Variants in GAP43 observed in about 807,000 individuals in gnomAD.
GAP43 encodes the protein growth associated protein 43, also known as neuromodulin.
A neutral mutation model predicts 18.6 loss-of-function variants in GAP43; 6 were observed. The observed-to-expected ratio is 0.32, with a 90% confidence interval of 0.18 to 0.64. GAP43 has a LOEUF of 0.64. GAP43 is among the 30% of genes least tolerant of loss of function. The pLI, the probability that GAP43 is intolerant of heterozygous loss-of-function variation, is 0.78. For synonymous variants in GAP43, 115 were observed against 111.4 expected, an observed-to-expected ratio of 1.03 and a Z score of -0.20; for missense variants, 292 against 295.5, an observed-to-expected ratio of 0.99 and a Z score of 0.09.
intron 1 of GAP43, among the ~76,000 whole-genome samples, chr3:115,636,797 A>T (rs1708335734): frequency 6.6e-6 from 1 of 152,020 alleles, no homozygotes; most frequent in Non-Finnish European, 1.5e-5. Context: ...TGGCTCTGGC[A>T]TTGACTAGGC....
chr3:115,641,130 G>A (rs112388633), intron 1 of GAP43, among the ~76,000 whole-genome samples: 24,883 of 148,894 alleles, frequency 0.17, 2,698 homozygotes, highest in East Asian at 0.41. Context: ...CTTCCAAAGT[G>A]CTGGGATTAC....
At chr3:115,634,468 C>T (rs1172115095) in intron 1 of GAP43, among the ~76,000 whole-genome samples, 6 of 151,852 alleles carry the variant, frequency 4.0e-5, no homozygotes, top group African/African-American at 1.5e-4. Flanking sequence ...CATTATTTAC[C>T]TAAAAAGGAA....
intron 2 of GAP43, among the ~76,000 whole-genome samples, chr3:115,704,152 A>G (rs1709331252): frequency 6.6e-6 from 1 of 151,914 alleles, no homozygotes; most frequent in African/African-American, 2.4e-5. Context: ...TGTTATAACA[A>G]TATTTTAAAA....
At chr3:115,632,641 A>C (rs1317457474) in intron 1 of GAP43, among the ~76,000 whole-genome samples, 1 of 152,176 alleles carries the variant, frequency 6.6e-6, no homozygotes, top group East Asian at 1.9e-4. Flanking sequence ...AAATACTTTA[A>C]AGTATAATAA....
chr3:115,649,822 A>AAAAGAAAGAAAG (rs200417871), intron 1 of GAP43, among the ~76,000 whole-genome samples: 1 of 137,260 alleles, frequency 7.3e-6, no homozygotes, highest in African/African-American at 2.7e-5. Context: ...AAAAAAAAAA[A>AAAAGAAAGAAAG]AAAGAAAGAA....
chr3:115,709,356 G>A (rs1349304811), intron 2 of GAP43, among the ~76,000 whole-genome samples: 1 of 152,202 alleles, frequency 6.6e-6, no homozygotes, highest in African/African-American at 2.4e-5. Flanking sequence ...TCACATTAAT[G>A]TTGTTTGCCT....
At chr3:115,705,385 C>G (rs1709347349) in intron 2 of GAP43, among the ~76,000 whole-genome samples, 1 of 152,060 alleles carries the variant, frequency 6.6e-6, no homozygotes, top group African/African-American at 2.4e-5. Flanking sequence ...TCTGCTTTTG[C>G]TTTTAAAGGT....
At chr3:115,668,575 C>T (rs1430010733) in intron 1 of GAP43, among the ~76,000 whole-genome samples, 1 of 152,104 alleles carries the variant, frequency 6.6e-6, no homozygotes, top group Non-Finnish European at 1.5e-5. Context: ...CAGGCATGTG[C>T]CACCACACCT....
chr3:115,689,128 A>C (rs1205025582), intron 2 of GAP43, among the ~76,000 whole-genome samples: 1 of 152,122 alleles, frequency 6.6e-6, no homozygotes, highest in Non-Finnish European at 1.5e-5. Flanking sequence ...TCTCCATTTG[A>C]ATGTCCCTTA....
chr3:115,629,846 T>C (rs1004642618), intron 1 of GAP43, among the ~76,000 whole-genome samples: 1 of 152,190 alleles, frequency 6.6e-6, no homozygotes, highest in Non-Finnish European at 1.5e-5. Context: ...ATGGATAGAA[T>C]CACTAGGAGA....
chr3:115,690,643 C>A (rs1251136782), intron 2 of GAP43, among the ~76,000 whole-genome samples: 1 of 151,320 alleles, frequency 6.6e-6, no homozygotes, highest in Non-Finnish European at 1.5e-5. Flanking sequence ...CAATTATTAT[C>A]ATTTTGCCTA....
At chr3:115,712,891 CA>C (rs1315285573) in intron 2 of GAP43, among the ~76,000 whole-genome samples, 2 of 152,062 alleles carry the variant, frequency 1.3e-5, no homozygotes, top group Admixed American at 1.3e-4. Flanking sequence ...GTGTTATTAG[CA>C]AAAAGGTTAT....
At chr3:115,663,384 A>T in intron 1 of GAP43, 2 of 269,344 alleles carry the variant, frequency 7.4e-6, no homozygotes, top group Non-Finnish European at 1.2e-5. Context: ...ATAAGAATGC[A>T]TAAGGTTGAC....
intron 2 of GAP43, among the ~76,000 whole-genome samples, chr3:115,717,827 T>G (rs953009565): frequency 2.0e-5 from 3 of 152,206 alleles, no homozygotes; most frequent in African/African-American, 7.2e-5. Flanking sequence ...TCAATAGAGC[T>G]TCATAATTTC....
intron 2 of GAP43, among the ~76,000 whole-genome samples, chr3:115,699,986 A>T (rs973678184): frequency 6.6e-6 from 1 of 152,166 alleles, no homozygotes; most frequent in Non-Finnish European, 1.5e-5. Context: ...ATGCAGTGGG[A>T]TACAGGCAAG....
intron 1 of GAP43, among the ~76,000 whole-genome samples, chr3:115,641,953 T>C (rs1430165666): frequency 1.3e-5 from 2 of 152,068 alleles, no homozygotes; most frequent in Non-Finnish European, 2.9e-5. Flanking sequence ...AAACCCCCTG[T>C]TGAAGCCTGG....
At chr3:115,624,910 T>G (rs564042064) in intron 1 of GAP43, among the ~76,000 whole-genome samples, 3 of 116,710 alleles carry the variant, frequency 2.6e-5, no homozygotes, top group East Asian at 2.5e-4. Context: ...GGTGGGGGTG[T>G]GGTGGGGGCA....
chr3:115,675,569 T>C (rs1191924399), intron 1 of GAP43, among the ~76,000 whole-genome samples: 2 of 151,934 alleles, frequency 1.3e-5, no homozygotes, highest in Non-Finnish European at 2.9e-5. Context: ...GAGACCAGCC[T>C]GAACAACATG....
intron 2 of GAP43, among the ~76,000 whole-genome samples, chr3:115,693,113 T>C (rs192124144): frequency 6.8e-4 from 103 of 152,214 alleles, no homozygotes; most frequent in Non-Finnish European, 1.3e-3. Flanking sequence ...AATGGGAAGT[T>C]GATCAGGAAA....
Sources: gnomAD v4.1 joint callset for allele counts (sites outside exome capture counted in the v4.1 genomes callset) on GRCh38, gnomAD v4.1.1 for gene constraint, MANE v1.5 for transcripts, NCBI Gene and HGNC (gene_info 2026-07-23, HGNC 2026-07-21) for gene names.